ORC4: variants seen among roughly 807,000 people sequenced by gnomAD.
ORC4 encodes the protein origin recognition complex subunit 4.
In ORC4, 55 loss-of-function variants were observed where a neutral mutation model predicts 63.9. The observed-to-expected ratio is 0.86, with a 90% CI of 0.69 to 1.08. The LOEUF (loss-of-function observed/expected upper bound fraction) is 1.08. Ranked by LOEUF, ORC4 falls within the 50% of genes least tolerant of loss-of-function variation. The probability of loss-of-function intolerance (pLI) is 0.00; values close to 1 mark genes in which losing one functional copy is unlikely to be tolerated. For synonymous variants in ORC4, 150 were observed against 168.5 expected, an observed-to-expected ratio of 0.89 and a Z score of 0.85; for missense variants, 511 against 504.4, an observed-to-expected ratio of 1.01 and a Z score of -0.13.
chr2:147,986,792 C>CACACACAA (rs1476431130), intron 1 of ORC4, among the ~76,000 whole-genome samples: 2 of 148,644 alleles, frequency 1.3e-5, no homozygotes, highest in East Asian at 3.9e-4. Flanking sequence ...CACACACATA[C>CACACACAA]ACACACACAC....
In ORC4 at chr2:147,952,641, C is replaced by T. The variant is rs1301708322; in HGVS notation, c.437-117G>A. Reference sequence around the variant, plus strand: ...TCAATTCTGTAAACATTCTGATAGCCTACTTTGGGTAGGGGATTTACTGAT... The same window carrying T: ...TCAATTCTGTAAACATTCTGATAGCTTACTTTGGGTAGGGGATTTACTGAT... On this transcript the variant is annotated intron_variant, in intron 7 of 13. Coordinates refer to ENST00000392857, the MANE Select transcript of ORC4 (RefSeq NM_181741.4). 14 of 790,272 alleles carry T rather than the reference C, an allele frequency of 1.8e-5. No homozygotes were observed. The Admixed American group carries it at 1.9e-4, about 11-fold the overall frequency. 49.0% of individuals were successfully genotyped at this position (790,272 alleles called of 1,614,324 possible).
intron 1 of ORC4, among the ~76,000 whole-genome samples, chr2:148,005,623 T>C (rs1692576253): frequency 1.7e-5 from 2 of 118,582 alleles, no homozygotes; most frequent in South Asian, 2.6e-4. Flanking sequence ...AATCATCCCG[T>C]AGCAGGAACA....
At chr2:147,988,362 ATTT>A (rs111917011) in intron 1 of ORC4, among the ~76,000 whole-genome samples, 3 of 143,376 alleles carry the variant, frequency 2.1e-5, no homozygotes, top group Non-Finnish European at 4.6e-5. Context: ...GACTTACTGA[ATTT>A]TTTTTTTTTT....
intron 1 of ORC4, 68 bp from the exon 2 acceptor site, chr2:147,976,043 T>C (rs568222733): frequency 1.2e-6 from 1 of 833,308 alleles, no homozygotes; most frequent in Admixed American, 1.8e-5. Flanking sequence ...AATTTACTGT[T>C]CTAGAATTAA....
At chr2:148,007,740 A>G (rs529964481) in intron 1 of ORC4, among the ~76,000 whole-genome samples, 13 of 152,338 alleles carry the variant, frequency 8.5e-5, no homozygotes, top group African/African-American at 3.1e-4. Context: ...CACCAAATAG[A>G]TTCAACCCAA....
chr2:147,958,568 AT>A, intron 5 of ORC4, 185 bp from the exon 6 acceptor site: 2 of 579,416 alleles, frequency 3.5e-6, no homozygotes, highest in South Asian at 5.1e-5. Flanking sequence ...GATTAGAATG[AT>A]TAAAAAAAAA....
intron 8 of ORC4, among the ~76,000 whole-genome samples, chr2:147,950,117 T>C (rs957819277): frequency 6.6e-6 from 1 of 152,134 alleles, no homozygotes; most frequent in Non-Finnish European, 1.5e-5. Flanking sequence ...AGTGCCAGCA[T>C]GAGAACTAAA....
rs1687718553 is a variant in ORC4, at chr2:147,931,274, G to A, written c.*4236C>T. The A allele has an allele frequency of 6.6e-6, 1 of 151,444 alleles. No individual in the cohort carries two copies. The highest frequency in any genetic ancestry group is 6.6e-5 in the Admixed American group (1 of 15,160). 9.4% of individuals were successfully genotyped at this position (151,444 alleles called of 1,614,324 possible). On this transcript the variant is annotated 3_prime_UTR_variant, in exon 14 of 14. Coordinates refer to ENST00000392857, the MANE Select transcript of ORC4 (RefSeq NM_181741.4). ...TCTATCATTGTTGGACATTTGGGTT[G>A]GTTCCAAGTCTTTGCTATTGTGAAT...
At chr2:148,000,173 A>G (rs971276337) in intron 1 of ORC4, among the ~76,000 whole-genome samples, 3 of 152,076 alleles carry the variant, frequency 2.0e-5, no homozygotes, top group African/African-American at 7.2e-5. Flanking sequence ...AAACATGAGG[A>G]ATTTTCCCAG....
chr2:148,015,155 G>C (rs1693197863), intron 1 of ORC4, among the ~76,000 whole-genome samples: 1 of 150,292 alleles, frequency 6.7e-6, no homozygotes. Context: ...AAAAAGATTA[G>C]AGTGAAACAG....
At chr2:147,943,552 A>C in intron 9 of ORC4, 30 bp from the exon 10 acceptor site, 2 of 1,309,272 alleles carry the variant, frequency 1.5e-6, no homozygotes, top group Non-Finnish European at 2.2e-6. Context: ...AAAAGCCAAA[A>C]TTGAGGAAAG....
intron 9 of ORC4, among the ~76,000 whole-genome samples, chr2:147,944,523 T>C (rs1688548839): frequency 1.3e-5 from 2 of 151,888 alleles, no homozygotes; most frequent in Non-Finnish European, 2.9e-5. Context: ...GAAAGTACCA[T>C]CTAAAGAGGC....
rs555875856 is a variant in ORC4 at position 147,934,558 on chromosome 2, T to G, written c.*952A>C. 3.9e-5 allele frequency: 6 copies of G among 152,256 alleles called. No individual in the cohort carries two copies. The East Asian group carries it at 1.2e-3, about 29-fold the overall frequency. The allele number at this position is 152,256 out of a possible 1,614,324, so 9.4% of individuals were successfully genotyped here. On this transcript the variant is annotated 3_prime_UTR_variant, in exon 14 of 14. Coordinates refer to ENST00000392857, the MANE Select transcript of ORC4 (RefSeq NM_181741.4). ...CTGAGAAATGTGTCTTTGGGTGATT[T>G]CATCACTGTATGAACATCACAGAGT...
At chr2:147,938,088 A>G in intron 13 of ORC4, 58 bp downstream of exon 13, 1 of 1,146,150 alleles carries the variant, frequency 8.7e-7, no homozygotes, top group East Asian at 2.4e-5. Context: ...ATACATAATC[A>G]AATTGGATGT....
chr2:147,998,010 T>C (rs942106077), intron 1 of ORC4, among the ~76,000 whole-genome samples: 5 of 152,140 alleles, frequency 3.3e-5, no homozygotes, highest in African/African-American at 1.2e-4. Flanking sequence ...CAAAGTCTAA[T>C]GGATATTAGC....
At chr2:147,954,618 T>TG (rs1280371659) in intron 7 of ORC4, among the ~76,000 whole-genome samples, 2 of 152,178 alleles carry the variant, frequency 1.3e-5, no homozygotes, top group Non-Finnish European at 2.9e-5. Flanking sequence ...GGCACATGAC[T>TG]GTACATAAAC....
Position 147,963,411 on chromosome 2 carries a change from G to A in ORC4, c.226-4545C>T, listed in dbSNP as rs961776875. The stretch of plus-strand genomic sequence containing the variant: ...GGCCTGAGAAACAGCCTCACAGGAC[G>A]CCTCTAGTGGGCATGCCCATAAGCC... On this transcript the variant is annotated intron_variant, in intron 4 of 13. Transcript: ENST00000392857. 2.6e-4 allele frequency among the ~76,000 whole-genome samples: 39 copies of A among 152,148 alleles called. 1 individual carries two copies. Among genetic ancestry groups the A allele is most frequent in the Non-Finnish European group, 7.4e-5 (5 of 68,012 alleles).
chr2:147,960,374 A>C (rs988451598), intron 4 of ORC4: 86 of 966,570 alleles, frequency 8.9e-5, no homozygotes, highest in Non-Finnish European at 1.0e-4. Flanking sequence ...GTATTGCTAA[A>C]ATTTATTGTT....
intron 1 of ORC4, 38 bp from the exon 2 acceptor site, chr2:147,976,013 A>G: frequency 1.0e-6 from 1 of 971,580 alleles, no homozygotes; most frequent in Non-Finnish European, 1.7e-6. Context: ...AAACGTAGTG[A>G]CTTAAAGAGA....
Sources: allele counts gnomAD v4.1 joint callset (sites outside exome capture counted in the v4.1 genomes callset), GRCh38; gene constraint gnomAD v4.1.1; transcripts MANE v1.5; gene names NCBI Gene and HGNC (gene_info 2026-07-23, HGNC 2026-07-21).